The following OTUD7B variants were observed in gnomAD, a reference collection of about 807,000 sequenced individuals.
OTUD7B encodes OTU domain-containing protein 7B.
A neutral mutation model predicts 82.2 loss-of-function variants in OTUD7B; 34 were observed. The ratio of observed to expected loss-of-function variants is 0.41; its 90% confidence interval spans 0.31 to 0.55. The LOEUF is 0.55. OTUD7B is among the 20% of genes least tolerant of loss of function. The pLI, the probability that OTUD7B is intolerant of heterozygous loss-of-function variation, is 0.20. For missense variants in OTUD7B, 944 were observed against 1,062.1 expected (o/e 0.89, Z 1.55); for synonymous variants, 398 against 402.7 (o/e 0.99, Z 0.14).
intron 6 of OTUD7B, chr1:149,961,481 G>T (rs145037207): frequency 0.019 from 2,918 of 152,346 alleles, 79 homozygotes; most frequent in African/African-American, 0.064. Context: ...CTCAGCCTCC[G>T]GAGTAGCTGG....
the OTUD7B span, among the ~76,000 whole-genome samples, chr1:150,016,494 G>A: frequency 2.2e-5 from 3 of 134,196 alleles, no homozygotes; most frequent in African/African-American, 5.7e-5. Context: ...CGCTTTTGTC[G>A]CCAAGGCTGG....
chr1:149,994,744 A>G (rs1651819356), intron 1 of OTUD7B, among the ~76,000 whole-genome samples: 1 of 152,058 alleles, frequency 6.6e-6, no homozygotes, highest in African/African-American at 2.4e-5. Flanking sequence ...CTGAGTAGCT[A>G]GGACTACCGG....
rs2305389 is a variant in OTUD7B at position 149,949,818 on chromosome 1, C to G, written c.974-40G>C. The G allele has an allele frequency of 4.6e-4, 736 of 1,592,122 alleles. 6 individuals are homozygous for G. The East Asian group carries it at 0.016, about 34-fold the overall frequency. On this transcript the variant is annotated intron_variant, in intron 8 of 11. Coordinates refer to ENST00000581312, the MANE Select transcript of OTUD7B (RefSeq NM_020205.4). Reference sequence around the variant, plus strand: ...GAAGATTATTATGAAGGCTGTGTTTCTGCCTAGTGGACAATCCCTACATCC... The same window carrying G: ...GAAGATTATTATGAAGGCTGTGTTTGTGCCTAGTGGACAATCCCTACATCC...
At chr1:149,983,951 T>A (rs1650961807) in intron 1 of OTUD7B, among the ~76,000 whole-genome samples, 2 of 152,208 alleles carry the variant, frequency 1.3e-5, no homozygotes, top group Non-Finnish European at 2.9e-5. Context: ...AAACCAATAA[T>A]TGATCACCTA....
the OTUD7B span, chr1:150,054,296 C>G: frequency 2.0e-6 from 1 of 489,304 alleles, no homozygotes; most frequent in Non-Finnish European, 4.0e-6. Context: ...CAGGATCACT[C>G]CCAAGACCAT....
At chr1:149,995,831 G>A (rs1651889067) in intron 1 of OTUD7B, among the ~76,000 whole-genome samples, 1 of 152,168 alleles carries the variant, frequency 6.6e-6, no homozygotes, top group Non-Finnish European at 1.5e-5. Context: ...TCTAAAACAA[G>A]TCCTCTCTTA....
At chr1:149,998,704 ATAAT>A (rs1228188140) in intron 1 of OTUD7B, among the ~76,000 whole-genome samples, 3 of 152,220 alleles carry the variant, frequency 2.0e-5, no homozygotes, top group Non-Finnish European at 2.9e-5. Flanking sequence ...GTGTTCACAA[ATAAT>A]TAGTGAGTTC....
At chr1:149,981,945 C>G (rs1280620147) in intron 1 of OTUD7B, among the ~76,000 whole-genome samples, 1 of 152,068 alleles carries the variant, frequency 6.6e-6, no homozygotes, top group East Asian at 1.9e-4. Context: ...GTCAGGAGAT[C>G]GAGACCATCC....
intron 1 of OTUD7B, 43 bp from the exon 2 acceptor site, chr1:149,977,619 C>G: frequency 1.3e-6 from 1 of 764,148 alleles, no homozygotes; most frequent in East Asian, 2.6e-5. Context: ...TACACTGGAA[C>G]AGGATAATCA....
intron 2 of OTUD7B, among the ~76,000 whole-genome samples, chr1:149,972,364 C>T (rs1179873103): frequency 6.6e-6 from 1 of 152,308 alleles, no homozygotes; most frequent in East Asian, 1.9e-4. Context: ...TCATCACTGA[C>T]CTTGCTGTTC....
chr1:149,942,519 ACAGATCAGCT>A lies in OTUD7B; in HGVS notation c.*1328_*1337del, dbSNP rs2101705573. The A allele has an allele frequency of 6.6e-6, 1 of 152,570 alleles. No individual in the cohort carries two copies. The highest frequency in any genetic ancestry group is 2.1e-4 in the South Asian group (1 of 4,814). The allele number at this position is 152,570 out of a possible 1,614,324, so 9.5% of individuals were successfully genotyped here. ...GTCAGGGAAAGGGAGAAACCTAAAG[ACAGATCAGCT>A]CATTGGGAGTCATCTGTGCTCTGTG... On this transcript the variant is annotated 3_prime_UTR_variant, in exon 12 of 12. Coordinates refer to ENST00000581312, the MANE Select transcript of OTUD7B (RefSeq NM_020205.4).
At chr1:149,978,371 A>G (rs1360550616) in intron 1 of OTUD7B, among the ~76,000 whole-genome samples, 1 of 152,082 alleles carries the variant, frequency 6.6e-6, no homozygotes, top group Non-Finnish European at 1.5e-5. Flanking sequence ...GCCAGGCATG[A>G]TGGCGGGCAC....
the OTUD7B span, among the ~76,000 whole-genome samples, chr1:150,016,974 C>T: frequency 5.9e-5 from 9 of 152,290 alleles, no homozygotes; most frequent in African/African-American, 1.7e-4. Context: ...ATCTGTATCA[C>T]CTCCTTTTAA....
the OTUD7B span, among the ~76,000 whole-genome samples, chr1:150,051,337 CATG>C: frequency 6.6e-6 from 1 of 151,192 alleles, no homozygotes; most frequent in South Asian, 2.1e-4. Flanking sequence ...TTGGAAATTC[CATG>C]ATATTTTTCT....
At chr1:150,017,427 C>CA in the OTUD7B span, among the ~76,000 whole-genome samples, 25 of 152,290 alleles carry the variant, frequency 1.6e-4, no homozygotes, top group Non-Finnish European at 2.8e-4. Flanking sequence ...AAGGCCATTA[C>CA]AGGCCTAGCA....
rs781976010 is a variant in OTUD7B, at chr1:149,971,111, T to C, written c.226A>G (p.Thr76Ala). The change falls in exon 3 of 12, where the codon ACT (threonine) becomes GCT (alanine). Residue 76 changes from threonine to alanine, a missense_variant. Thr to Ala is a moderately conservative substitution (Grantham distance 58). This residue lies in a region of OTUD7B where 530 missense variants were observed against 625.6 expected (regional missense o/e 0.85). Transcript: ENST00000581312. ...PEKGFSDREPTRPPRPILQRQ... is the reference protein window; with the variant it reads ...PEKGFSDREPARPPRPILQRQ... ...TGGAGGATGGGTCGGGGAGGGCGAG[T>C]AGGCTCTCTGTCAGAAAACCCTTTT... 4.3e-6 allele frequency: 7 copies of C among 1,612,526 alleles called. No individual in the cohort carries two copies. The South Asian group carries it at 5.5e-5, about 13-fold the overall frequency.
chr1:149,986,181 A>C (rs587601687), intron 1 of OTUD7B, among the ~76,000 whole-genome samples: 1 of 151,926 alleles, frequency 6.6e-6, no homozygotes, highest in South Asian at 2.1e-4. Flanking sequence ...CCAGCATCCA[A>C]GCACAGCAGG....
chr1:150,011,237 C>T (rs1653029842), upstream of OTUD7B, among the ~76,000 whole-genome samples: 1 of 152,172 alleles, frequency 6.6e-6, no homozygotes, highest in Admixed American at 6.5e-5. Context: ...TATTTATTTA[C>T]TTGCATAACA....
At chr1:150,033,812 C>T in the OTUD7B span, among the ~76,000 whole-genome samples, 2 of 152,136 alleles carry the variant, frequency 1.3e-5, no homozygotes, top group East Asian at 1.9e-4. Flanking sequence ...ACCTCCACCT[C>T]CCAGGTTTAA....
Sources: allele counts gnomAD v4.1 joint callset (sites outside exome capture counted in the v4.1 genomes callset), GRCh38; gene constraint gnomAD v4.1.1; regional missense constraint gnomAD v4.1.1; transcripts MANE v1.5; gene names NCBI Gene and HGNC (gene_info 2026-07-23, HGNC 2026-07-21).